Variants in TYW3 observed in about 807,000 individuals in gnomAD.
The protein encoded by TYW3 is tRNA wybutosine-synthesizing protein 3 homolog.
Under a neutral mutation model 23.1 loss-of-function variants are expected in TYW3, and 26 were observed. That is an observed-to-expected ratio of 1.13 (90% confidence interval 0.83 to 1.56). The LOEUF is 1.56. Among genes scored for constraint, TYW3 ranks in the 40% most tolerant of loss-of-function variants. The pLI is 0.00. For missense variants in TYW3, 316 were observed against 311.9 expected, an observed-to-expected ratio of 1.01 and a Z score of -0.10; for synonymous variants, 102 against 105.7, an observed-to-expected ratio of 0.97 and a Z score of 0.21.
chr1:74,744,859 G>C (rs1023025528), intron 3 of TYW3, among the ~76,000 whole-genome samples: 13 of 152,218 alleles, frequency 8.5e-5, no homozygotes, highest in African/African-American at 3.1e-4. Context: ...TGAAGCCACA[G>C]ACCTTCGCAG....
chr1:74,756,860 G>A (rs892639218), intron 5 of TYW3, among the ~76,000 whole-genome samples: 3 of 152,216 alleles, frequency 2.0e-5, no homozygotes, highest in African/African-American at 7.2e-5. Context: ...CTGGGCCCAA[G>A]GTCCCTGTGC....
rs1648169262 is a variant in TYW3 at position 74,736,760 on chromosome 1, A to G, written c.255+138A>G. On this transcript the variant is annotated intron_variant, in intron 2 of 5. Coordinates refer to ENST00000370867, the MANE Select transcript of TYW3 (RefSeq NM_138467.3). Reference sequence around the variant, plus strand: ...AGATTATAAAACCTAGAGAGCTTTCATTACAATGGCTCTTTTTGGGTTGTA... The same window carrying G: ...AGATTATAAAACCTAGAGAGCTTTCGTTACAATGGCTCTTTTTGGGTTGTA... 11 of 643,108 alleles carry G rather than the reference A, an allele frequency of 1.7e-5. No individual in the cohort carries two copies. The South Asian group carries it at 3.0e-4, about 17-fold the overall frequency. The allele number at this position is 643,108 out of a possible 1,614,324, so 39.8% of individuals were successfully genotyped here. A position where few individuals can be genotyped will look rare whatever the true frequency, so the allele number is the denominator to read the frequency against.
intron 2 of TYW3, 97 bp downstream of exon 2, chr1:74,736,719 G>A: frequency 2.2e-6 from 2 of 908,846 alleles, no homozygotes; most frequent in Non-Finnish European, 3.3e-6. Context: ...TTTATATGCA[G>A]AGTTATAATG....
rs1480540595 is a variant in TYW3, at chr1:74,765,401, A to C, written c.*1288A>C. On this transcript the variant is annotated 3_prime_UTR_variant, in exon 6 of 6. Transcript: ENST00000370867. ...CAACTCGTTCAGCTATGTAAGTTGAACTCTGTACCACTTGGGAGGGAACAT... is the reference window on the plus strand; with the variant it reads ...CAACTCGTTCAGCTATGTAAGTTGACCTCTGTACCACTTGGGAGGGAACAT... The C allele has an allele frequency of 6.6e-6, 1 of 152,076 alleles. No homozygotes were observed. The highest frequency in any genetic ancestry group is 2.4e-5 in the African/African-American group (1 of 41,420). The allele number at this position is 152,076 out of a possible 1,614,324, so 9.4% of individuals were successfully genotyped here.
chr1:74,733,854 C>T (rs1648019228), intron 1 of TYW3, among the ~76,000 whole-genome samples: 1 of 152,214 alleles, frequency 6.6e-6, no homozygotes, highest in Non-Finnish European at 1.5e-5. Flanking sequence ...ATTGTTACTG[C>T]ATGCTTGAAC....
At chr1:74,748,859 A>G (rs1328368189) in intron 4 of TYW3, 37 bp downstream of exon 4, 11 of 1,573,120 alleles carry the variant, frequency 7.0e-6, no homozygotes, top group Admixed American at 1.7e-5. Flanking sequence ...TTTTTAGTGT[A>G]AAGTGATCCA....
intron 3 of TYW3, among the ~76,000 whole-genome samples, chr1:74,744,573 A>G (rs1648487214): frequency 6.6e-6 from 1 of 152,174 alleles, no homozygotes. Flanking sequence ...AATGGTACTC[A>G]CCACTTGGCA....
chr1:74,741,659 A>G (rs1204381890), intron 3 of TYW3, among the ~76,000 whole-genome samples: 1 of 152,170 alleles, frequency 6.6e-6, no homozygotes, highest in Non-Finnish European at 1.5e-5. Context: ...CAAAGAAGTT[A>G]TATTTTTGAC....
chr1:74,744,454 A>C (rs538565521), intron 3 of TYW3, among the ~76,000 whole-genome samples: 16 of 152,142 alleles, frequency 1.1e-4, no homozygotes, highest in African/African-American at 2.9e-4. Context: ...CTTAGGATGC[A>C]TTTCAAGGGT....
chr1:74,755,525 G>A (rs189616419), intron 5 of TYW3, among the ~76,000 whole-genome samples: 9 of 152,294 alleles, frequency 5.9e-5, no homozygotes, highest in Admixed American at 2.0e-4. Context: ...CTTTAAGAGT[G>A]AATAATATTC....
rs530506968 is a variant in TYW3 at position 74,742,470 on chromosome 1, C to T, written c.354+3682C>T. ...CCCCGTGAAAGTCCCCACTCTGTTT[C>T]GGTTGGGGAATACTGGAGCTTAACC... is the stretch of plus-strand genomic sequence containing the variant. On this transcript the variant is annotated intron_variant, in intron 3 of 5. Coordinates refer to ENST00000370867, the MANE Select transcript of TYW3 (RefSeq NM_138467.3). Among the ~76,000 whole-genome samples the T allele has an allele frequency of 6.6e-5, 10 of 152,272 alleles. No homozygotes were observed. In the South Asian group the frequency reaches 1.7e-3, roughly 25 times the overall value.
chr1:74,750,402 AAAAATACC>A, intron 4 of TYW3: 1 of 152,308 alleles, frequency 6.6e-6, no homozygotes, highest in Non-Finnish European at 1.5e-5. Flanking sequence ...CATCTCTACT[AAAAATACC>A]AAAATTAGCC....
In TYW3 at chr1:74,766,456, T is replaced by G. The variant is rs1649310278; in HGVS notation, c.*2343T>G. 6.6e-6 allele frequency: 1 copy of G among 152,098 alleles called. No individual in the cohort carries two copies. The highest frequency in any genetic ancestry group is 2.4e-5 in the African/African-American group (1 of 41,410). The allele number at this position is 152,098 out of a possible 1,614,324, so 9.4% of individuals were successfully genotyped here. A position where few individuals can be genotyped will look rare whatever the true frequency, so the allele number is the denominator to read the frequency against. ...GTGTAGGCTTAGGCTAATGTGTGTG[T>G]TTATATCTTAGTTTTTCACAAAAAG... On this transcript the variant is annotated 3_prime_UTR_variant, in exon 6 of 6. Transcript: ENST00000370867.
At chr1:74,736,387 A>G in intron 1 of TYW3, 155 bp from the exon 2 acceptor site, 1 of 490,746 alleles carries the variant, frequency 2.0e-6, no homozygotes, top group Non-Finnish European at 3.4e-6. Flanking sequence ...TTCTGGGTTA[A>G]CATTACCCAA....
chr1:74,742,449 G>A (rs56102384), intron 3 of TYW3, among the ~76,000 whole-genome samples: 6,896 of 152,184 alleles, frequency 0.045, 184 homozygotes, highest in Non-Finnish European at 0.058. Flanking sequence ...CTATGCCCCC[G>A]TGAAAGTCCC....
At chr1:74,737,401 G>C (rs1462827894) in intron 2 of TYW3, among the ~76,000 whole-genome samples, 4 of 152,180 alleles carry the variant, frequency 2.6e-5, no homozygotes, top group African/African-American at 9.7e-5. Context: ...TCTTAGAGAA[G>C]GACTTGGAAT....
At position 74,763,990 on chromosome 1, in the gene TYW3, GA is replaced by G. The variant is rs746460438; in HGVS notation, c.664del (p.Arg222GlufsTer27). ...EKNNSSYIHK[K>X]KRNPEKTRAQ... ...AAAATAACTCATCATATATTCATAA[GA>G]AAAAAAGAAACCCAGAAAAAACACG... On this transcript the variant is annotated frameshift_variant, in exon 6 of 6. Coordinates refer to ENST00000370867, the MANE Select transcript of TYW3 (RefSeq NM_138467.3). LOFTEE classifies it low-confidence loss of function (END_TRUNC). The G allele has an allele frequency of 3.1e-6, 5 of 1,610,124 alleles. No homozygotes were observed. The highest frequency in any genetic ancestry group is 4.2e-6 in the Non-Finnish European group (5 of 1,178,832).
intron 2 of TYW3, among the ~76,000 whole-genome samples, chr1:74,737,109 G>A (rs1307016009): frequency 1.3e-5 from 2 of 152,090 alleles, no homozygotes; most frequent in Non-Finnish European, 2.9e-5. Flanking sequence ...TATCAGCCAG[G>A]CACTTTTCAT....
At chr1:74,739,965 A>AG (rs1217237790) in intron 3 of TYW3, among the ~76,000 whole-genome samples, 5 of 152,232 alleles carry the variant, frequency 3.3e-5, no homozygotes, top group Admixed American at 1.3e-4. Context: ...ATAACTACTT[A>AG]GGTCTGGCTG....
Sources: gnomAD v4.1 joint callset for allele counts (sites outside exome capture counted in the v4.1 genomes callset) on GRCh38, gnomAD v4.1.1 for gene constraint, MANE v1.5 for transcripts, NCBI Gene and HGNC (gene_info 2026-07-23, HGNC 2026-07-21) for gene names.